REDIC1: variants seen among roughly 807,000 people sequenced by gnomAD.
REDIC1 encodes regulator of DNA class I crossover intermediates 1.
chr12:39,809,574 T>C, the REDIC1 span, among the ~76,000 whole-genome samples: 2 of 152,208 alleles, frequency 1.3e-5, no homozygotes, highest in African/African-American at 2.4e-5. Flanking sequence ...GTTACATATG[T>C]ACACATGTGC....
the REDIC1 span, among the ~76,000 whole-genome samples, chr12:39,774,604 T>A: frequency 6.6e-6 from 1 of 151,628 alleles, no homozygotes; most frequent in Admixed American, 6.6e-5. Flanking sequence ...TTTTTTTGGT[T>A]TTGTAATTTT....
the REDIC1 span, among the ~76,000 whole-genome samples, chr12:39,651,500 G>C: frequency 6.6e-6 from 1 of 152,114 alleles, no homozygotes; most frequent in African/African-American, 2.4e-5. Context: ...TATTCACTGA[G>C]TTGCTAAAGC....
chr12:39,660,570 G>A, the REDIC1 span, among the ~76,000 whole-genome samples: 7 of 151,974 alleles, frequency 4.6e-5, no homozygotes, highest in Non-Finnish European at 1.0e-4. Flanking sequence ...CATGTGGTAT[G>A]TTGTTGCATG....
the REDIC1 span, among the ~76,000 whole-genome samples, chr12:39,735,976 C>A: frequency 6.6e-6 from 1 of 152,194 alleles, no homozygotes; most frequent in Non-Finnish European, 1.5e-5. Flanking sequence ...CCAGCTTGGA[C>A]TAAAGGGGAC....
At chr12:39,636,498 A>C in the REDIC1 span, among the ~76,000 whole-genome samples, 1 of 152,098 alleles carries the variant, frequency 6.6e-6, no homozygotes, top group Non-Finnish European at 1.5e-5. Flanking sequence ...ACTGTCTTGA[A>C]TGTTAATAAG....
At chr12:39,815,094 A>C in the REDIC1 span, among the ~76,000 whole-genome samples, 1 of 152,126 alleles carries the variant, frequency 6.6e-6, no homozygotes, top group South Asian at 2.1e-4. Context: ...AAAATAAATG[A>C]CCCAAGGCCA....
chr12:39,712,286 CTGTA>C, the REDIC1 span, among the ~76,000 whole-genome samples: 26 of 124,406 alleles, frequency 2.1e-4, no homozygotes, highest in Non-Finnish European at 3.1e-4. Flanking sequence ...GTATATATAC[CTGTA>C]TGTATATATA....
chr12:39,784,065 G>A, the REDIC1 span, among the ~76,000 whole-genome samples: 44 of 152,268 alleles, frequency 2.9e-4, no homozygotes, highest in African/African-American at 9.6e-4. Flanking sequence ...ACTGCTCAAC[G>A]AAATAAAAGA....
At chr12:39,762,210 A>AT in the REDIC1 span, among the ~76,000 whole-genome samples, 1 of 152,070 alleles carries the variant, frequency 6.6e-6, no homozygotes, top group African/African-American at 2.4e-5. Flanking sequence ...GGTCCATGTC[A>AT]TGGTCAAATC....
At chr12:39,627,006 C>T in the REDIC1 span, among the ~76,000 whole-genome samples, 1 of 152,290 alleles carries the variant, frequency 6.6e-6, no homozygotes, top group African/African-American at 2.4e-5. Flanking sequence ...GGGTGGAAAT[C>T]ATGTGGGCCT....
the REDIC1 span, among the ~76,000 whole-genome samples, chr12:39,812,565 G>C: frequency 2.4e-4 from 37 of 151,568 alleles, no homozygotes; most frequent in African/African-American, 8.7e-4. Flanking sequence ...CTCCGCCTCT[G>C]AGATTCAAGC....
At chr12:39,781,606 G>T in the REDIC1 span, among the ~76,000 whole-genome samples, 2 of 152,198 alleles carry the variant, frequency 1.3e-5, no homozygotes, top group Non-Finnish European at 2.9e-5. Context: ...AGGAGAGAAT[G>T]AATAAGTCAT....
the REDIC1 span, among the ~76,000 whole-genome samples, chr12:39,667,091 T>A: frequency 6.6e-6 from 1 of 152,238 alleles, no homozygotes; most frequent in Non-Finnish European, 1.5e-5. Context: ...ATCTTACTTA[T>A]TTCTTGCCTT....
the REDIC1 span, among the ~76,000 whole-genome samples, chr12:39,739,404 T>G: frequency 6.6e-6 from 1 of 152,174 alleles, no homozygotes; most frequent in African/African-American, 2.4e-5. Context: ...TGAATACCTA[T>G]TGAGCGCAGG....
the REDIC1 span, among the ~76,000 whole-genome samples, chr12:39,847,220 T>G: frequency 1.3e-5 from 2 of 152,128 alleles, no homozygotes; most frequent in Non-Finnish European, 2.9e-5. Flanking sequence ...CTCATAAATG[T>G]CTCATAAAAT....
the REDIC1 span, among the ~76,000 whole-genome samples, chr12:39,778,308 C>G: frequency 6.6e-6 from 1 of 152,198 alleles, no homozygotes; most frequent in Non-Finnish European, 1.5e-5. Flanking sequence ...TTCAGTAGCA[C>G]CCTGCCCATG....
chr12:39,666,851 C>A, the REDIC1 span, among the ~76,000 whole-genome samples: 1 of 152,110 alleles, frequency 6.6e-6, no homozygotes, highest in Admixed American at 6.5e-5. Flanking sequence ...AGTTTATTTG[C>A]GTAGAGGTGT....
chr12:39,704,215 A>G, the REDIC1 span, among the ~76,000 whole-genome samples: 2 of 152,128 alleles, frequency 1.3e-5, no homozygotes, highest in Admixed American at 6.5e-5. Context: ...ATGAACTCCA[A>G]CAAATTTACA....
the REDIC1 span, among the ~76,000 whole-genome samples, chr12:39,814,580 T>C: frequency 1.3e-5 from 2 of 152,172 alleles, no homozygotes; most frequent in African/African-American, 2.4e-5. Context: ...AAGGAACTCC[T>C]CTTTTATGGT....
Sources: gnomAD v4.1 joint callset for allele counts (sites outside exome capture counted in the v4.1 genomes callset) on GRCh38, gnomAD v4.1.1 for gene constraint, MANE v1.5 for transcripts, NCBI Gene and HGNC (gene_info 2026-07-23, HGNC 2026-07-21) for gene names.